FRMD4B: variants seen among roughly 807,000 people sequenced by gnomAD.
The protein encoded by FRMD4B is FERM domain-containing protein 4B.
FRMD4B carries 74 observed loss-of-function variants against 141.5 expected under a neutral mutation model. The ratio of observed to expected loss-of-function variants is 0.52; its 90% confidence interval spans 0.43 to 0.63. The LOEUF (loss-of-function observed/expected upper bound fraction) is 0.63, where lower values mean the gene tolerates loss of function less well. Among genes scored for constraint, FRMD4B ranks in the 30% least tolerant of loss-of-function variants. The pLI is 0.00. For synonymous variants in FRMD4B, 506 were observed against 467.9 expected (o/e 1.08, Z -1.05); for missense variants, 1,366 against 1,253.4 (o/e 1.09, Z -1.36).
intron 1 of FRMD4B, among the ~76,000 whole-genome samples, chr3:69,325,366 G>A (rs144865168): frequency 1.9e-3 from 290 of 152,326 alleles, no homozygotes; most frequent in Non-Finnish European, 3.5e-3. Flanking sequence ...ACATTCCCTG[G>A]GGAGGGCATT....
intron 2 of FRMD4B, among the ~76,000 whole-genome samples, chr3:69,404,778 A>T (rs1194687436): frequency 6.6e-6 from 1 of 152,202 alleles, no homozygotes; most frequent in African/African-American, 2.4e-5. Context: ...GAGAAGGGTG[A>T]CAGTCAGATG....
At chr3:69,470,492 AAGAGAAGTATGTCCAAAGAAC>A (rs1291510980) in intron 1 of FRMD4B, among the ~76,000 whole-genome samples, 3 of 151,168 alleles carry the variant, frequency 2.0e-5, no homozygotes, top group African/African-American at 7.4e-5. Context: ...CCAAAGAACA[AAGAGAAGTATGTCCAAAGAAC>A]AAAGAGGGTT....
chr3:69,192,211 C>T (rs538596235), intron 17 of FRMD4B, among the ~76,000 whole-genome samples: 1 of 151,734 alleles, frequency 6.6e-6, no homozygotes, highest in South Asian at 2.1e-4. Flanking sequence ...TGGTGAAACC[C>T]CATGTCTACA....
At chr3:69,495,226 C>G (rs1263887686) in intron 1 of FRMD4B, among the ~76,000 whole-genome samples, 1 of 152,168 alleles carries the variant, frequency 6.6e-6, no homozygotes, top group Admixed American at 6.5e-5. Flanking sequence ...ACTGTAGAGA[C>G]AAGAACTCCC....
intron 1 of FRMD4B, among the ~76,000 whole-genome samples, chr3:69,456,006 A>T (rs886385953): frequency 6.6e-6 from 1 of 152,184 alleles, no homozygotes; most frequent in Non-Finnish European, 1.5e-5. Context: ...AATTCAGATT[A>T]TGCACATCAA....
intron 11 of FRMD4B, among the ~76,000 whole-genome samples, chr3:69,210,388 A>G (rs1009856430): frequency 1.7e-4 from 26 of 152,026 alleles, no homozygotes; most frequent in African/African-American, 6.3e-4. Flanking sequence ...AATACTGAAC[A>G]ATAAATACTT....
chr3:69,197,667 G>C (rs951904833), intron 12 of FRMD4B: 2 of 152,184 alleles, frequency 1.3e-5, no homozygotes, highest in African/African-American at 4.8e-5. Context: ...AAGAAAGAGA[G>C]AACAGGCAAG....
At chr3:69,399,816 TGC>T (rs1447485325) in intron 2 of FRMD4B, among the ~76,000 whole-genome samples, 1 of 152,174 alleles carries the variant, frequency 6.6e-6, no homozygotes, top group African/African-American at 2.4e-5. Flanking sequence ...TAAAATTACC[TGC>T]TAAGGCTTGA....
At chr3:69,495,829 T>G (rs1194850901) in intron 1 of FRMD4B, among the ~76,000 whole-genome samples, 1 of 152,216 alleles carries the variant, frequency 6.6e-6, no homozygotes, top group African/African-American at 2.4e-5. Flanking sequence ...GTTGTTTGAC[T>G]ACGTTGAAAT....
chr3:69,373,911 G>C (rs1312775022), intron 1 of FRMD4B, among the ~76,000 whole-genome samples: 1 of 152,144 alleles, frequency 6.6e-6, no homozygotes, highest in Non-Finnish European at 1.5e-5. Context: ...CTTAAGATGA[G>C]CCAGGCAGCC....
In FRMD4B at chr3:69,290,465, C is replaced by T. The variant is rs149957213; in HGVS notation, c.417-2629G>A. Reference sequence around the variant, plus strand: ...GAGGCAGACCAGAGGTTGGCTGCTGCTACAGGGCTGAGATGACCCATGTTA... The same window carrying T: ...GAGGCAGACCAGAGGTTGGCTGCTGTTACAGGGCTGAGATGACCCATGTTA... On this transcript the variant is annotated intron_variant, in intron 4 of 22. Transcript: ENST00000398540. Among the ~76,000 whole-genome samples the T allele has an allele frequency of 2.6e-4, 40 of 152,306 alleles. No homozygotes were observed. The East Asian group carries it at 7.5e-3, about 29-fold the overall frequency.
At chr3:69,239,615 AAT>A (rs1444491042) in intron 7 of FRMD4B, among the ~76,000 whole-genome samples, 3 of 152,180 alleles carry the variant, frequency 2.0e-5, no homozygotes, top group Non-Finnish European at 2.9e-5. Context: ...TTAAAATAAA[AAT>A]ATTTTATTTC....
intron 1 of FRMD4B, among the ~76,000 whole-genome samples, chr3:69,494,757 T>G (rs748476108): frequency 1.3e-5 from 2 of 152,130 alleles, no homozygotes; most frequent in Non-Finnish European, 2.9e-5. Flanking sequence ...CTGGGCATGG[T>G]GGCGGGCACC....
chr3:69,462,661 T>C (rs1575810938), intron 1 of FRMD4B, among the ~76,000 whole-genome samples: 1 of 152,236 alleles, frequency 6.6e-6, no homozygotes, highest in Non-Finnish European at 1.5e-5. Context: ...CCTGAGTCAC[T>C]TGTGCATCAC....
At chr3:69,332,437 C>G (rs6776474) in intron 1 of FRMD4B, among the ~76,000 whole-genome samples, 101,135 of 152,098 alleles carry the variant, frequency 0.66, 34,904 homozygotes, top group African/African-American at 0.86. Context: ...AGGGCACATG[C>G]CTTGCCTGAA....
At chr3:69,394,982 C>G (rs187345773) in intron 2 of FRMD4B, among the ~76,000 whole-genome samples, 22 of 151,934 alleles carry the variant, frequency 1.4e-4, no homozygotes, top group African/African-American at 5.1e-4. Flanking sequence ...CACCTGGACA[C>G]GGGGAGGAGA....
intron 10 of FRMD4B, among the ~76,000 whole-genome samples, chr3:69,217,872 T>C (rs374875018): frequency 2.8e-4 from 43 of 152,238 alleles, no homozygotes; most frequent in African/African-American, 1.0e-3. Context: ...GAAAATACTT[T>C]TCATCATCTC....
chr3:69,382,727 CT>C (rs5849898), intron 1 of FRMD4B, among the ~76,000 whole-genome samples: 77,088 of 132,968 alleles, frequency 0.58, 23,579 homozygotes, highest in Non-Finnish European at 0.69. Context: ...TAAACTGGGA[CT>C]TTTTTTTTTT....
chr3:69,180,830 G>A (rs1216227179), intron 21 of FRMD4B, 69 bp downstream of exon 21: 11 of 1,094,692 alleles, frequency 1.0e-5, no homozygotes, highest in African/African-American at 4.6e-5. Flanking sequence ...TCCGTGAGGC[G>A]GTTTTAGGTG....
Sources: allele counts gnomAD v4.1 joint callset (sites outside exome capture counted in the v4.1 genomes callset), GRCh38; gene constraint gnomAD v4.1.1; transcripts MANE v1.5; gene names NCBI Gene and HGNC (gene_info 2026-07-23, HGNC 2026-07-21).